The following NAV2 variants were observed in gnomAD, a reference collection of about 807,000 sequenced individuals.
The protein encoded by NAV2 is neuron navigator 2.
In NAV2, 54 loss-of-function variants were observed where a neutral mutation model predicts 223.2. That is an observed-to-expected ratio of 0.24 (90% confidence interval 0.19 to 0.30). The LOEUF is 0.30. NAV2 is among the 10% of genes least tolerant of loss of function. The probability of loss-of-function intolerance (pLI) is 1.00; values close to 1 mark genes in which losing one functional copy is unlikely to be tolerated. For missense variants in NAV2, 2,806 were observed against 3,147.5 expected, an observed-to-expected ratio of 0.89 and a Z score of 2.60; for synonymous variants, 1,279 against 1,239.3, an observed-to-expected ratio of 1.03 and a Z score of -0.67.
chr11:19,545,523 C>T lies in NAV2; in HGVS notation c.75+194496C>T, dbSNP rs534093190. Reference sequence around the variant, plus strand: ...TCATTCACTTAAAGGGCTGGCATGGCGCAAATGGGAGTCAGTTTCTCATCA... The same window carrying T: ...TCATTCACTTAAAGGGCTGGCATGGTGCAAATGGGAGTCAGTTTCTCATCA... On this transcript the variant is annotated intron_variant, in intron 1 of 37. Transcript: ENST00000360655. Among the ~76,000 whole-genome samples the T allele has an allele frequency of 1.4e-4, 22 of 152,164 alleles. No individual in the cohort carries two copies. In the South Asian group the frequency reaches 3.1e-3, roughly 22 times the overall value.
intron 28 of NAV2, 141 bp downstream of exon 28, chr11:20,092,509 C>A: frequency 2.4e-6 from 2 of 821,154 alleles, no homozygotes; most frequent in Non-Finnish European, 1.9e-6. Flanking sequence ...GTGTATGTGT[C>A]TGGGTGTGAG....
At chr11:19,363,468 T>A (rs1049260010) in intron 1 of NAV2, among the ~76,000 whole-genome samples, 13 of 152,202 alleles carry the variant, frequency 8.5e-5, no homozygotes, top group African/African-American at 3.1e-4. Flanking sequence ...TAGTTTTCCC[T>A]GATATCCCCC....
intron 1 of NAV2, among the ~76,000 whole-genome samples, chr11:19,533,988 G>A (rs973119144): frequency 2.6e-5 from 4 of 151,854 alleles, no homozygotes; most frequent in Non-Finnish European, 2.9e-5. Flanking sequence ...TTACAGGCGT[G>A]AGCCACCGCG....
intron 6 of NAV2, among the ~76,000 whole-genome samples, chr11:19,932,236 C>CAAAA (rs398015484): frequency 0.014 from 1,080 of 78,056 alleles, 1 homozygote; most frequent in African/African-American, 0.033. Context: ...CACTCTTAAG[C>CAAAA]AAAAAAAAAA....
At chr11:19,370,385 C>T (rs1211361075) in intron 1 of NAV2, among the ~76,000 whole-genome samples, 1 of 152,210 alleles carries the variant, frequency 6.6e-6, no homozygotes, top group African/African-American at 2.4e-5. Context: ...AAGTTTTTCT[C>T]AAATTCCACA....
chr11:19,595,004 T>C (rs2135181454), intron 1 of NAV2, among the ~76,000 whole-genome samples: 1 of 152,134 alleles, frequency 6.6e-6, no homozygotes, highest in South Asian at 2.1e-4. Flanking sequence ...GACAAGGACT[T>C]AGGTGCAAGT....
chr11:19,757,453 T>G (rs1325969109), intron 1 of NAV2, among the ~76,000 whole-genome samples: 4 of 151,920 alleles, frequency 2.6e-5, no homozygotes, highest in African/African-American at 9.7e-5. Context: ...AAGAAGAGAG[T>G]TTGAATTTCT....
At chr11:19,957,692 T>TGGA (rs2047997945) in intron 10 of NAV2, among the ~76,000 whole-genome samples, 1 of 152,188 alleles carries the variant, frequency 6.6e-6, no homozygotes. Flanking sequence ...GCTAGCCCAC[T>TGGA]GGAGGAGGAG....
At chr11:19,997,840 C>G (rs1238657241) in intron 11 of NAV2, among the ~76,000 whole-genome samples, 2 of 152,086 alleles carry the variant, frequency 1.3e-5, no homozygotes, top group African/African-American at 4.8e-5. Flanking sequence ...TTTACGTTAT[C>G]CAGGGAATCC....
At chr11:19,736,957 G>A (rs1479536847) in intron 1 of NAV2, among the ~76,000 whole-genome samples, 1 of 152,232 alleles carries the variant, frequency 6.6e-6, no homozygotes, top group South Asian at 2.1e-4. Flanking sequence ...TAATATGCCA[G>A]CCCCATTTTG....
At chr11:19,579,132 T>A (rs1182956978) in intron 1 of NAV2, among the ~76,000 whole-genome samples, 1 of 152,204 alleles carries the variant, frequency 6.6e-6, no homozygotes, top group African/African-American at 2.4e-5. Context: ...TGACTTAATG[T>A]TTCTGAGCAA....
chr11:19,745,782 A>AT (rs577962388), intron 1 of NAV2, among the ~76,000 whole-genome samples: 61 of 152,128 alleles, frequency 4.0e-4, no homozygotes, highest in Non-Finnish European at 7.4e-4. Context: ...TGAGAATCTA[A>AT]TGCCACCACT....
Position 19,935,864 on chromosome 11 carries a change from T to TTTG in NAV2, c.2033+1589_2033+1590insGTT, listed in dbSNP as rs1555156835. Among the ~76,000 whole-genome samples the TTTG allele has an allele frequency of 9.9e-5, 10 of 101,178 alleles. No homozygotes were observed. In the East Asian group the frequency reaches 1.0e-3, roughly 10 times the overall value. 66.4% of individuals were successfully genotyped at this position (101,178 alleles called of 152,430 possible). On this transcript the variant is annotated intron_variant, in intron 7 of 37. Coordinates refer to ENST00000349880, the MANE Select transcript of NAV2 (RefSeq NM_145117.5). ...TGTTTTGTTTCTGTTTTTTTTTTTT[T>TTTG]TTTTTTTTTTTGAGATGGAGTGTCG...
intron 1 of NAV2, among the ~76,000 whole-genome samples, chr11:19,578,625 C>T (rs2045632210): frequency 6.6e-6 from 1 of 152,196 alleles, no homozygotes; most frequent in South Asian, 2.1e-4. Context: ...ACACTAATAC[C>T]TCCCATTTGT....
At chr11:20,053,571 G>A (rs1233798225) in intron 17 of NAV2, among the ~76,000 whole-genome samples, 1 of 152,220 alleles carries the variant, frequency 6.6e-6, no homozygotes, top group African/African-American at 2.4e-5. Flanking sequence ...AGATTTGTTT[G>A]TGCTCTATTA....
chr11:20,115,931 C>T (rs535292674), intron 37 of NAV2, among the ~76,000 whole-genome samples: 1 of 152,058 alleles, frequency 6.6e-6, no homozygotes, highest in Non-Finnish European at 1.5e-5. Flanking sequence ...AAAAGAAACA[C>T]CCGGGCCAAT....
chr11:19,682,640 G>A (rs956944564), intron 1 of NAV2, among the ~76,000 whole-genome samples: 5 of 152,192 alleles, frequency 3.3e-5, no homozygotes, highest in Admixed American at 2.6e-4. Context: ...AGGGCCTCAG[G>A]AAGCTTACAA....
intron 3 of NAV2, among the ~76,000 whole-genome samples, chr11:19,864,597 G>A (rs2061981098): frequency 6.6e-6 from 1 of 152,182 alleles, no homozygotes; most frequent in South Asian, 2.1e-4. Flanking sequence ...TCCTTGGTGG[G>A]GAAATACTTC....
rs538069078 is a variant in NAV2 at position 19,765,095 on chromosome 11, G to A, written c.267+51133G>A. 7.2e-5 allele frequency among the ~76,000 whole-genome samples: 11 copies of A among 152,238 alleles called. No homozygotes were observed. The South Asian group carries it at 8.3e-4, about 11-fold the overall frequency. ...GTCATCTCTCCATGGTGTAGCCAGT[G>A]TATAGGCATTAACAGATTTACATCA... On this transcript the variant is annotated intron_variant, in intron 1 of 37. Coordinates refer to ENST00000349880, the MANE Select transcript of NAV2 (RefSeq NM_145117.5).
Sources: gnomAD v4.1 joint callset for allele counts (sites outside exome capture counted in the v4.1 genomes callset) on GRCh38, gnomAD v4.1.1 for gene constraint, MANE v1.5 for transcripts, NCBI Gene and HGNC (gene_info 2026-07-23, HGNC 2026-07-21) for gene names.